The following RBMS3 variants were observed in gnomAD, a reference collection of about 807,000 sequenced individuals.
The protein encoded by RBMS3 is RNA-binding motif, single-stranded-interacting protein 3.
In RBMS3, 27 loss-of-function variants were observed where a neutral mutation model predicts 66.8. That is an observed-to-expected ratio of 0.40 (90% CI 0.30 to 0.56). The LOEUF is 0.56. Among genes scored for constraint, RBMS3 ranks in the 20% least tolerant of loss-of-function variants. The pLI is 0.40. For missense variants in RBMS3, 513 were observed against 549.5 expected (o/e 0.93, Z 0.66); for synonymous variants, 188 against 183.0 (o/e 1.03, Z -0.22).
In RBMS3 at chr3:29,860,755, C is replaced by A. The variant is rs1239993299; in HGVS notation, c.638-8103C>A. On this transcript the variant is annotated intron_variant, in intron 6 of 14. Transcript: ENST00000383767. ...ACTGTGTTAAAATGCTCCTGAGTTT[C>A]ATTATCATCCTTCTATTAGTATCAT... Among the ~76,000 whole-genome samples, 3 of 152,214 alleles carry A rather than the reference C, an allele frequency of 2.0e-5. No individual in the cohort carries two copies. In the East Asian group the frequency reaches 5.8e-4, roughly 29 times the overall value.
chr3:29,861,845 A>T (rs1449358974), intron 6 of RBMS3, among the ~76,000 whole-genome samples: 3 of 152,280 alleles, frequency 2.0e-5, no homozygotes, highest in Admixed American at 2.0e-4. Flanking sequence ...GTGCAACTTT[A>T]TTGCCATGTG....
chr3:29,594,034 T>C (rs1386615108), intron 4 of RBMS3, among the ~76,000 whole-genome samples: 1 of 152,152 alleles, frequency 6.6e-6, no homozygotes, highest in Non-Finnish European at 1.5e-5. Context: ...AACATGTATC[T>C]AAAAGAAATG....
intron 1 of RBMS3, among the ~76,000 whole-genome samples, chr3:29,385,538 T>C (rs1392947186): frequency 6.6e-6 from 1 of 152,158 alleles, no homozygotes; most frequent in Non-Finnish European, 1.5e-5. Flanking sequence ...GCCTTCTTTA[T>C]TGTAGTTTCA....
intron 2 of RBMS3, among the ~76,000 whole-genome samples, chr3:29,481,857 G>A (rs1362448499): frequency 6.6e-6 from 1 of 152,196 alleles, no homozygotes; most frequent in African/African-American, 2.4e-5. Flanking sequence ...GGTAATAAGG[G>A]AGGGTTTAAT....
intron 3 of RBMS3, among the ~76,000 whole-genome samples, chr3:29,517,269 ATATGTGTG>A (rs745944921): frequency 0.013 from 1,617 of 120,568 alleles, 16 homozygotes; most frequent in Non-Finnish European, 0.02. Context: ...GTGATTTCAT[ATATGTGTG>A]TGTGTGTGTG....
At chr3:29,981,082 A>G (rs951908661) in intron 12 of RBMS3, among the ~76,000 whole-genome samples, 3 of 151,932 alleles carry the variant, frequency 2.0e-5, no homozygotes, top group African/African-American at 7.3e-5. Flanking sequence ...GTTTTTTTCC[A>G]TTTGTTTTTG....
chr3:29,285,311 G>A (rs547753078), intron 1 of RBMS3, among the ~76,000 whole-genome samples: 1 of 151,736 alleles, frequency 6.6e-6, no homozygotes, highest in African/African-American at 2.4e-5. Context: ...GTCAAGCTAG[G>A]TAAGCTAAAA....
intron 3 of RBMS3, among the ~76,000 whole-genome samples, chr3:29,562,478 C>A (rs974106226): frequency 1.3e-5 from 2 of 152,120 alleles, no homozygotes; most frequent in Non-Finnish European, 2.9e-5. Context: ...ACATGGGCCA[C>A]TGGTCTACAA....
At chr3:29,457,457 C>T (rs973876940) in intron 2 of RBMS3, among the ~76,000 whole-genome samples, 1 of 152,190 alleles carries the variant, frequency 6.6e-6, no homozygotes, top group Non-Finnish European at 1.5e-5. Flanking sequence ...AGCAGTGGCT[C>T]ACACCTGTAA....
chr3:29,363,475 A>G lies in RBMS3; in HGVS notation c.76-71268A>G, dbSNP rs527824588. Among the ~76,000 whole-genome samples, 5 of 152,284 alleles carry G rather than the reference A, an allele frequency of 3.3e-5. No homozygotes were observed. The South Asian group carries it at 8.3e-4, about 25-fold the overall frequency. On this transcript the variant is annotated intron_variant, in intron 1 of 14. Coordinates refer to ENST00000383767, the MANE Select transcript of RBMS3 (RefSeq NM_001003793.3). ...GTGAAAATATTTATACATTACCACA[A>G]AGTCAATTGACACTCAAATTAAAAC...
chr3:29,526,520 CAAAAAAAAAAAAAAAAAAAAAAAAAAA>C (rs61483868), intron 3 of RBMS3, among the ~76,000 whole-genome samples: 14 of 35,950 alleles, frequency 3.9e-4, no homozygotes, highest in Non-Finnish European at 7.1e-4. Context: ...GACTCCATCT[CAAAAAAAAAAAAAAAAAAAAAAAAAAA>C]AAAAAAAAAA....
At chr3:29,976,578 G>A (rs1187925828) in intron 12 of RBMS3, among the ~76,000 whole-genome samples, 1 of 151,988 alleles carries the variant, frequency 6.6e-6, no homozygotes, top group Admixed American at 6.6e-5. Flanking sequence ...GTCCAGGTAG[G>A]AGTCCATCCT....
intron 4 of RBMS3, among the ~76,000 whole-genome samples, chr3:29,599,776 G>C (rs1156381868): frequency 2.0e-5 from 3 of 152,114 alleles, no homozygotes; most frequent in Non-Finnish European, 4.4e-5. Flanking sequence ...ATAGAATAAT[G>C]ATTGCTGATT....
chr3:29,650,389 C>T (rs2050103424), intron 4 of RBMS3, among the ~76,000 whole-genome samples: 1 of 150,882 alleles, frequency 6.6e-6, no homozygotes, highest in African/African-American at 2.4e-5. Context: ...CTCTGGGGCT[C>T]AAACAATCCT....
At chr3:29,321,038 G>A (rs973957767) in intron 1 of RBMS3, among the ~76,000 whole-genome samples, 2 of 151,898 alleles carry the variant, frequency 1.3e-5, no homozygotes, top group Non-Finnish European at 2.9e-5. Context: ...CATATACTTA[G>A]CCAATGAACG....
chr3:29,695,954 G>A (rs1339388356), intron 4 of RBMS3, among the ~76,000 whole-genome samples: 1 of 152,176 alleles, frequency 6.6e-6, no homozygotes, highest in Non-Finnish European at 1.5e-5. Flanking sequence ...ATGGCCAAGG[G>A]ACAAAGGGTA....
intron 2 of RBMS3, among the ~76,000 whole-genome samples, chr3:29,452,197 G>A (rs1035549364): frequency 6.6e-6 from 1 of 152,276 alleles, no homozygotes; most frequent in African/African-American, 2.4e-5. Context: ...AATAGGAAAT[G>A]TCCCTCCCAG....
chr3:29,673,272 C>G (rs1165508501), intron 4 of RBMS3, among the ~76,000 whole-genome samples: 3 of 152,128 alleles, frequency 2.0e-5, no homozygotes, highest in Non-Finnish European at 2.9e-5. Flanking sequence ...ATTTATAGCA[C>G]TAAATGCCCA....
At chr3:29,620,486 C>T (rs983947071) in intron 4 of RBMS3, among the ~76,000 whole-genome samples, 4 of 152,112 alleles carry the variant, frequency 2.6e-5, no homozygotes, top group Admixed American at 2.6e-4. Context: ...TTAGGGGCTA[C>T]AATTACGATA....
Sources: allele counts gnomAD v4.1 joint callset (sites outside exome capture counted in the v4.1 genomes callset), GRCh38; gene constraint gnomAD v4.1.1; transcripts MANE v1.5; gene names NCBI Gene and HGNC (gene_info 2026-07-23, HGNC 2026-07-21).